Variants in ENTREP2 observed in about 807,000 individuals in gnomAD.
The protein encoded by ENTREP2 is endosomal transmembrane epsin interactor 2, also known as protein ENTREP2.
chr15:29,587,138 CGTGTGT>C, the ENTREP2 span, among the ~76,000 whole-genome samples: 6,455 of 123,790 alleles, frequency 0.052, 278 homozygotes, highest in African/African-American at 0.11. Flanking sequence ...TGTAGCTAAC[CGTGTGT>C]GTGTGTGTGT....
At chr15:29,346,021 A>G in the ENTREP2 span, among the ~76,000 whole-genome samples, 20,602 of 152,218 alleles carry the variant, frequency 0.14, 2,588 homozygotes, top group African/African-American at 0.33. Context: ...GGCACAGAGA[A>G]GCTAACTTTC....
At chr15:29,460,672 TA>T in the ENTREP2 span, among the ~76,000 whole-genome samples, 3 of 152,242 alleles carry the variant, frequency 2.0e-5, no homozygotes, top group South Asian at 6.2e-4. Context: ...ACACAATTCT[TA>T]AATCATCACA....
chr15:29,214,134 T>C, the ENTREP2 span, among the ~76,000 whole-genome samples: 1 of 152,192 alleles, frequency 6.6e-6, no homozygotes, highest in Non-Finnish European at 1.5e-5. Context: ...AGTGTGGCAA[T>C]TCCTCAAGGA....
the ENTREP2 span, among the ~76,000 whole-genome samples, chr15:29,174,710 CA>C: frequency 8.5e-4 from 115 of 135,778 alleles, no homozygotes; most frequent in Middle Eastern, 3.6e-3. Flanking sequence ...AACAAAACAA[CA>C]AAAAAAAAAA....
At chr15:29,550,563 T>C in the ENTREP2 span, among the ~76,000 whole-genome samples, 2 of 152,206 alleles carry the variant, frequency 1.3e-5, no homozygotes, top group Non-Finnish European at 2.9e-5. Flanking sequence ...AGGAAAATCA[T>C]TAATAGTTTA....
At chr15:29,586,000 G>A in the ENTREP2 span, among the ~76,000 whole-genome samples, 6 of 151,750 alleles carry the variant, frequency 4.0e-5, no homozygotes, top group African/African-American at 9.7e-5. Flanking sequence ...ATGTATTTTC[G>A]CACAAAAACT....
At chr15:29,516,812 A>G in the ENTREP2 span, among the ~76,000 whole-genome samples, 1 of 152,134 alleles carries the variant, frequency 6.6e-6, no homozygotes. Context: ...ATCTCCAGGC[A>G]GGAAGAGTTT....
the ENTREP2 span, among the ~76,000 whole-genome samples, chr15:29,119,159 C>G: frequency 6.6e-6 from 1 of 152,250 alleles, no homozygotes; most frequent in Non-Finnish European, 1.5e-5. Context: ...GTGCCTCCCT[C>G]TTCCCAGAAA....
the ENTREP2 span, among the ~76,000 whole-genome samples, chr15:29,357,564 G>C: frequency 6.6e-6 from 1 of 152,162 alleles, no homozygotes; most frequent in African/African-American, 2.4e-5. Flanking sequence ...TCAGCCAGGC[G>C]TGGTGGCTCA....
the ENTREP2 span, among the ~76,000 whole-genome samples, chr15:29,662,688 C>T: frequency 3.3e-5 from 5 of 152,240 alleles, no homozygotes; most frequent in East Asian, 7.7e-4. Flanking sequence ...GCCACGCACA[C>T]GAGCCCATAA....
At chr15:29,566,119 ATTGT>A in the ENTREP2 span, among the ~76,000 whole-genome samples, 1 of 151,898 alleles carries the variant, frequency 6.6e-6, no homozygotes, top group South Asian at 2.1e-4. Flanking sequence ...AAAGCTATAC[ATTGT>A]TTGTGTGTAT....
At chr15:29,161,701 T>C in the ENTREP2 span, among the ~76,000 whole-genome samples, 1 of 152,186 alleles carries the variant, frequency 6.6e-6, no homozygotes, top group Non-Finnish European at 1.5e-5. Context: ...CTCTTCTGAA[T>C]TGTAAGTTCA....
chr15:29,143,946 A>G, the ENTREP2 span, among the ~76,000 whole-genome samples: 1 of 152,242 alleles, frequency 6.6e-6, no homozygotes, highest in Admixed American at 6.5e-5. Context: ...AGGAGGAGTG[A>G]CATAGAAAAG....
chr15:29,393,656 A>G, the ENTREP2 span, among the ~76,000 whole-genome samples: 1 of 152,248 alleles, frequency 6.6e-6, no homozygotes, highest in East Asian at 1.9e-4. Context: ...CCAAAATGCC[A>G]GAATCAGAAG....
chr15:29,588,407 G>A, the ENTREP2 span, among the ~76,000 whole-genome samples: 7 of 151,886 alleles, frequency 4.6e-5, no homozygotes, highest in African/African-American at 1.7e-4. Context: ...GGCCGGGGTT[G>A]TAGTGAGCAG....
chr15:29,269,558 T>G, the ENTREP2 span: 4 of 1,519,936 alleles, frequency 2.6e-6, no homozygotes, highest in Non-Finnish European at 3.5e-6. Flanking sequence ...CCGCGGGACG[T>G]GCTCGGGGCC....
At chr15:29,650,584 C>T in the ENTREP2 span, among the ~76,000 whole-genome samples, 1 of 151,038 alleles carries the variant, frequency 6.6e-6, no homozygotes, top group African/African-American at 2.4e-5. Context: ...CAGAGTGAGA[C>T]TCCATCTCAA....
At chr15:29,608,550 T>TTATTATTATTA in the ENTREP2 span, among the ~76,000 whole-genome samples, 36 of 76,746 alleles carry the variant, frequency 4.7e-4, 1 homozygote, top group African/African-American at 1.5e-3. Context: ...ATTATTATTA[T>TTATTATTATTA]TTATTTATTA....
At chr15:29,574,211 C>T in the ENTREP2 span, among the ~76,000 whole-genome samples, 1 of 152,046 alleles carries the variant, frequency 6.6e-6, no homozygotes, top group African/African-American at 2.4e-5. Context: ...TCTTGGAGAC[C>T]CCTGGAACCA....
Sources: allele counts gnomAD v4.1 joint callset (sites outside exome capture counted in the v4.1 genomes callset), GRCh38; gene constraint gnomAD v4.1.1; transcripts MANE v1.5; gene names NCBI Gene and HGNC (gene_info 2026-07-23, HGNC 2026-07-21).